The following FIRRM variants were observed in gnomAD, a reference collection of about 807,000 sequenced individuals.
The protein encoded by FIRRM is FIGNL1-interacting regulator of recombination and mitosis.
At chr1:169,853,591 G>A in the FIRRM span, 1 of 984,478 alleles carries the variant, frequency 1.0e-6, no homozygotes, top group Non-Finnish European at 1.5e-6. Flanking sequence ...TGGATAATGA[G>A]CTCCTGGGAT....
At chr1:169,835,987 C>T in the FIRRM span, among the ~76,000 whole-genome samples, 1 of 151,512 alleles carries the variant, frequency 6.6e-6, no homozygotes, top group Non-Finnish European at 1.5e-5. Flanking sequence ...TAAATATTTT[C>T]CACAAAAGAA....
the FIRRM span, among the ~76,000 whole-genome samples, chr1:169,829,876 A>G: frequency 1.3e-5 from 2 of 152,212 alleles, no homozygotes; most frequent in Non-Finnish European, 2.9e-5. Context: ...AGCATTTCAG[A>G]TATTACACAA....
chr1:169,820,237 A>G, the FIRRM span, among the ~76,000 whole-genome samples: 1 of 152,130 alleles, frequency 6.6e-6, no homozygotes, highest in Non-Finnish European at 1.5e-5. Flanking sequence ...CAGGGTGGGG[A>G]AGGTGAGGAG....
the FIRRM span, among the ~76,000 whole-genome samples, chr1:169,828,749 A>G: frequency 0.011 from 1,716 of 151,932 alleles, 31 homozygotes; most frequent in African/African-American, 0.039. Context: ...AGGTCTCACT[A>G]TGTTGCCCAG....
chr1:169,832,379 TAGTC>T, the FIRRM span: 35 of 1,389,322 alleles, frequency 2.5e-5, no homozygotes, highest in African/African-American at 1.3e-4. Flanking sequence ...GATTCTAAAT[TAGTC>T]AGTCTCTCCT....
chr1:169,806,824 C>G, the FIRRM span, among the ~76,000 whole-genome samples: 8 of 152,278 alleles, frequency 5.3e-5, no homozygotes, highest in African/African-American at 1.9e-4. Context: ...TTTCTCTGAA[C>G]GTTAGTTTGC....
chr1:169,784,387 C>A, the FIRRM span, among the ~76,000 whole-genome samples: 1 of 152,166 alleles, frequency 6.6e-6, no homozygotes, highest in Non-Finnish European at 1.5e-5. Flanking sequence ...TTGCAGGCAA[C>A]CCCTTGACTC....
At chr1:169,824,342 A>G in the FIRRM span, among the ~76,000 whole-genome samples, 2 of 152,242 alleles carry the variant, frequency 1.3e-5, no homozygotes, top group African/African-American at 4.8e-5. Context: ...TGCACCAGCA[A>G]TTATTCCCTT....
the FIRRM span, chr1:169,830,253 G>T: frequency 6.2e-7 from 1 of 1,602,168 alleles, no homozygotes; most frequent in Non-Finnish European, 8.5e-7. Context: ...TTCTGTTTTT[G>T]ATTAGGATGC....
the FIRRM span, chr1:169,851,730 ACT>A: frequency 2.6e-6 from 4 of 1,519,314 alleles, no homozygotes; most frequent in African/African-American, 1.4e-5. Context: ...ATGGTTGAAC[ACT>A]CAGCACTTAA....
chr1:169,842,582 A>C, the FIRRM span: 1 of 1,596,996 alleles, frequency 6.3e-7, no homozygotes, highest in Non-Finnish European at 8.5e-7. Flanking sequence ...AAAATAGAAA[A>C]TATCAAAAAA....
the FIRRM span, among the ~76,000 whole-genome samples, chr1:169,837,382 C>T: frequency 2.6e-5 from 4 of 152,198 alleles, no homozygotes; most frequent in African/African-American, 9.6e-5. Flanking sequence ...GAACACTTCA[C>T]TTGTGTATTT....
the FIRRM span, among the ~76,000 whole-genome samples, chr1:169,813,492 TAGAA>T: frequency 3.9e-5 from 6 of 152,214 alleles, no homozygotes; most frequent in African/African-American, 7.2e-5. Flanking sequence ...TTTCGTCTAC[TAGAA>T]AGAATCACAG....
chr1:169,806,695 A>T, the FIRRM span, among the ~76,000 whole-genome samples: 10 of 152,208 alleles, frequency 6.6e-5, no homozygotes, highest in African/African-American at 2.4e-4. Context: ...TTCTTGTACT[A>T]CCAGGACATT....
chr1:169,798,346 C>T, the FIRRM span, among the ~76,000 whole-genome samples: 1 of 151,638 alleles, frequency 6.6e-6, no homozygotes, highest in African/African-American at 2.4e-5. Context: ...TGGCTCACTG[C>T]AACCTCTGCC....
At chr1:169,797,986 A>C in the FIRRM span, among the ~76,000 whole-genome samples, 1 of 152,250 alleles carries the variant, frequency 6.6e-6, no homozygotes, top group Admixed American at 6.5e-5. Context: ...TGCTATGTGC[A>C]GAAGAATTTC....
the FIRRM span, among the ~76,000 whole-genome samples, chr1:169,837,589 G>A: frequency 6.6e-6 from 1 of 152,188 alleles, no homozygotes; most frequent in Admixed American, 6.5e-5. Flanking sequence ...GCTGGATATA[G>A]TACATGTAGT....
At chr1:169,843,393 C>A in the FIRRM span, among the ~76,000 whole-genome samples, 9,916 of 152,150 alleles carry the variant, frequency 0.065, 430 homozygotes, top group Non-Finnish European at 0.099. Flanking sequence ...GTAATTAGAT[C>A]CCTTTTAGAC....
chr1:169,815,205 A>G, the FIRRM span, among the ~76,000 whole-genome samples: 36 of 151,632 alleles, frequency 2.4e-4, no homozygotes, highest in African/African-American at 8.0e-4. Flanking sequence ...CTGAGGCAGG[A>G]GAATCTCTTG....
Sources: gnomAD v4.1 joint callset for allele counts (sites outside exome capture counted in the v4.1 genomes callset) on GRCh38, gnomAD v4.1.1 for gene constraint, MANE v1.5 for transcripts, NCBI Gene and HGNC (gene_info 2026-07-23, HGNC 2026-07-21) for gene names.